Variants in DNAH6 observed in about 807,000 individuals in gnomAD.
The protein encoded by DNAH6 is dynein axonemal heavy chain 6.
A neutral mutation model predicts 491.4 loss-of-function variants in DNAH6; 340 were observed. That is an observed-to-expected ratio of 0.69 (90% CI 0.63 to 0.76). The LOEUF is 0.76. DNAH6 is among the 30% of genes least tolerant of loss of function. DNAH6 has a pLI of 0.00. For missense variants in DNAH6, 4,443 were observed against 4,972.2 expected, an observed-to-expected ratio of 0.89 and a Z score of 3.20; for synonymous variants, 1,603 against 1,686.1, an observed-to-expected ratio of 0.95 and a Z score of 1.21.
chr2:84,654,829 A>C (rs145714897), intron 35 of DNAH6, 47 bp downstream of exon 35: 2 of 1,544,118 alleles, frequency 1.3e-6, no homozygotes, highest in Non-Finnish European at 1.8e-6. Context: ...GTCAGGACTC[A>C]TGTTGCCTTC....
At chr2:84,693,729 C>CT (rs1273122042) in intron 45 of DNAH6, among the ~76,000 whole-genome samples, 34 of 146,442 alleles carry the variant, frequency 2.3e-4, no homozygotes, top group African/African-American at 9.0e-4. Flanking sequence ...GAGCAAGACT[C>CT]TATCTCAAAA....
intron 26 of DNAH6, among the ~76,000 whole-genome samples, chr2:84,622,211 C>G (rs1445259516): frequency 6.6e-6 from 1 of 152,126 alleles, no homozygotes; most frequent in African/African-American, 2.4e-5. Flanking sequence ...CTATGACTGA[C>G]TCATTTCATT....
intron 76 of DNAH6, among the ~76,000 whole-genome samples, chr2:84,817,606 T>TA (rs879747676): frequency 9.7e-4 from 142 of 146,030 alleles, no homozygotes; most frequent in South Asian, 5.4e-3. Flanking sequence ...CCATCTCAAT[T>TA]AAAAAAAAAA....
At chr2:84,663,987 CA>C (rs1219547319) in intron 37 of DNAH6, among the ~76,000 whole-genome samples, 1 of 152,086 alleles carries the variant, frequency 6.6e-6, no homozygotes, top group African/African-American at 2.4e-5. Flanking sequence ...ATTTCATATC[CA>C]GCCAAACTGA....
intron 19 of DNAH6, among the ~76,000 whole-genome samples, chr2:84,604,975 G>A (rs544895887): frequency 6.6e-6 from 1 of 152,192 alleles, no homozygotes; most frequent in South Asian, 2.1e-4. Context: ...TTCTTTTTCT[G>A]TCAAAGTATA....
At chr2:84,692,641 C>G (rs1694983097) in intron 45 of DNAH6, among the ~76,000 whole-genome samples, 1 of 152,004 alleles carries the variant, frequency 6.6e-6, no homozygotes, top group Non-Finnish European at 1.5e-5. Context: ...TGTTATCACC[C>G]CCTTTTCTAT....
chr2:84,737,627 C>T (rs967033759), intron 62 of DNAH6, among the ~76,000 whole-genome samples: 1 of 151,790 alleles, frequency 6.6e-6, no homozygotes, highest in Non-Finnish European at 1.5e-5. Context: ...AGATGCTCAT[C>T]ATAATACCCT....
intron 42 of DNAH6, 33 bp from the exon 43 acceptor site, chr2:84,685,293 T>C: frequency 2.1e-6 from 3 of 1,404,746 alleles, no homozygotes; most frequent in Non-Finnish European, 2.8e-6. Context: ...ATGTAGAATT[T>C]TTCTTTTTTT....
chr2:84,480,968 A>C, the DNAH6 span, among the ~76,000 whole-genome samples: 1 of 152,128 alleles, frequency 6.6e-6, no homozygotes, highest in Non-Finnish European at 1.5e-5. Flanking sequence ...GTCTCAAAAA[A>C]AAAAGAAAAA....
At chr2:84,640,267 G>A (rs746530258) in intron 31 of DNAH6, among the ~76,000 whole-genome samples, 163 bp from the exon 32 acceptor site, 1 of 152,114 alleles carries the variant, frequency 6.6e-6, no homozygotes, top group Non-Finnish European at 1.5e-5. Context: ...GTTTCCTGTG[G>A]CACAGAAAGC....
chr2:84,731,897 A>C (rs1303968647), intron 61 of DNAH6, among the ~76,000 whole-genome samples: 1 of 152,214 alleles, frequency 6.6e-6, no homozygotes, highest in African/African-American at 2.4e-5. Context: ...GGAGAAATTT[A>C]TATCCCCAAG....
intron 15 of DNAH6, chr2:84,584,674 T>C (rs985362962): frequency 1.3e-5 from 2 of 158,706 alleles, no homozygotes; most frequent in African/African-American, 4.8e-5. Flanking sequence ...TAGTCCTAAC[T>C]TGTATTTATT....
At chr2:84,815,289 G>A (rs1481585721) in intron 75 of DNAH6, among the ~76,000 whole-genome samples, 1 of 152,056 alleles carries the variant, frequency 6.6e-6, no homozygotes, top group Non-Finnish European at 1.5e-5. Flanking sequence ...CTGCAGACGT[G>A]AGGCTCCAAT....
intron 57 of DNAH6, among the ~76,000 whole-genome samples, chr2:84,714,914 G>A (rs761177183): frequency 4.6e-5 from 7 of 150,956 alleles, no homozygotes; most frequent in Non-Finnish European, 8.9e-5. Flanking sequence ...CTTGAAGTAC[G>A]ATGCCATATG....
Position 84,544,339 on chromosome 2 carries a change from T to A in DNAH6, c.769T>A (p.Trp257Arg). The change falls in exon 5 of 77, where the codon TGG becomes AGG. Residue 257 changes from tryptophan (W) to arginine (R), a missense_variant. Trp to Arg is a moderately radical substitution (Grantham distance 101, BLOSUM62 -3). Around this residue, in one of 3 missense-constraint regions of DNAH6, gnomAD observed 2,977 missense variants for 3,296.6 expected, o/e 0.90. Transcript: ENST00000389394. Reference sequence around the variant, plus strand: ...CATTGAATTTATCGAAATTGATCGATGGGAACAGGAATATCTGTATCACAG... The same window carrying A: ...CATTGAATTTATCGAAATTGATCGAAGGGAACAGGAATATCTGTATCACAG... ...EDIEFIEIDR[W>R]EQEYLYHREL... is the part of the protein sequence containing the mutation. The A allele has an allele frequency of 6.5e-7, 1 of 1,544,828 alleles. No homozygotes were observed. Among genetic ancestry groups the A allele is most frequent in the Non-Finnish European group, 8.8e-7 (1 of 1,141,020 alleles).
In DNAH6 at chr2:84,815,953, G is replaced by A. The variant is rs752392635; in HGVS notation, c.12243G>A (p.Leu4081=). 99 of 1,551,784 alleles carry A rather than the reference G, an allele frequency of 6.4e-5. No individual in the cohort carries two copies. In the South Asian group the frequency reaches 6.5e-4, roughly 10 times the overall value. The part of the protein sequence containing the change: ...DDKEMVIEDA[L]PGQMNPVLPV... ...AGGAGATGGTGATAGAAGATGCATT[G>A]CCCGGACAGATGAATCCAGTGCTGC... is the stretch of plus-strand genomic sequence containing the variant. The change falls in exon 76 of 77, where the codon TTG becomes TTA. Residue 4081 remains leucine, a synonymous_variant. Transcript: ENST00000389394.
At chr2:84,695,497 G>C (rs906340166) in intron 46 of DNAH6, among the ~76,000 whole-genome samples, 1 of 152,062 alleles carries the variant, frequency 6.6e-6, no homozygotes, top group East Asian at 1.9e-4. Flanking sequence ...TCAAAGCTAT[G>C]TACAAAGTTG....
intron 74 of DNAH6, 108 bp downstream of exon 74, chr2:84,813,238 G>A (rs1429368230): frequency 3.0e-5 from 24 of 813,546 alleles, no homozygotes; most frequent in Non-Finnish European, 4.8e-5. Context: ...TAGCAATGAG[G>A]CTATTGATCA....
chr2:84,634,778 C>G (rs573184049), intron 30 of DNAH6, 137 bp downstream of exon 30: 2 of 1,025,810 alleles, frequency 1.9e-6, no homozygotes, highest in East Asian at 3.0e-5. Context: ...CCTTGGCTCT[C>G]CAGAGCTCAC....
Sources: allele counts gnomAD v4.1 joint callset (sites outside exome capture counted in the v4.1 genomes callset), GRCh38; gene constraint gnomAD v4.1.1; regional missense constraint gnomAD v4.1.1; transcripts MANE v1.5; gene names NCBI Gene and HGNC (gene_info 2026-07-23, HGNC 2026-07-21).